The following PATJ variants were observed in gnomAD, a reference collection of about 807,000 sequenced individuals.
The protein encoded by PATJ is inaD-like protein.
A neutral mutation model predicts 224.9 loss-of-function variants in PATJ; 190 were observed. The observed-to-expected ratio is 0.84, with a 90% CI of 0.75 to 0.95. PATJ has a LOEUF of 0.95. Ranked by LOEUF, PATJ falls within the 40% of genes least tolerant of loss-of-function variation. The pLI, the probability that PATJ is intolerant of heterozygous loss-of-function variation, is 0.00. For missense variants in PATJ, 2,121 were observed against 2,270.3 expected (o/e 0.93, Z 1.34); for synonymous variants, 769 against 820.3 (o/e 0.94, Z 1.07).
At chr1:61,802,315 ACT>A in intron 12 of PATJ, among the ~76,000 whole-genome samples, 1 of 152,130 alleles carries the variant, frequency 6.6e-6, no homozygotes, top group East Asian at 1.9e-4. Flanking sequence ...CTGGTCTCAA[ACT>A]CCTGGCTTCA....
Position 61,899,317 on chromosome 1 carries a change from C to T in PATJ, c.3132-266C>T, listed in dbSNP as rs72676243. 9.7e-3 allele frequency among the ~76,000 whole-genome samples: 1,470 copies of T among 152,100 alleles called. 11 individuals are homozygous for T. The highest frequency in any genetic ancestry group is 0.016 in the Non-Finnish European group (1,071 of 67,992). The stretch of plus-strand genomic sequence containing the variant: ...CAAATTTGAAATTGCACAAATCAAA[C>T]GCAAACTTTTAGTGTCTAGAATATC... On this transcript the variant is annotated intron_variant, in intron 22 of 43. Transcript: ENST00000642238.
At chr1:62,016,270 A>T (rs550837117) in intron 28 of PATJ, among the ~76,000 whole-genome samples, 2 of 152,324 alleles carry the variant, frequency 1.3e-5, no homozygotes, top group African/African-American at 2.4e-5. Flanking sequence ...TTCATATTTT[A>T]AAGTGTTCAC....
At position 61,861,584 on chromosome 1, in the gene PATJ, C is replaced by A; in HGVS notation, c.2356C>A (p.His786Asn). 1.4e-6 allele frequency: 2 copies of A among 1,449,210 alleles called. No homozygotes were observed. Among genetic ancestry groups the A allele is most frequent in the Non-Finnish European group, 1.9e-6 (2 of 1,075,338 alleles). 89.8% of individuals were successfully genotyped at this position (1,449,210 alleles called of 1,614,324 possible). Residue 786 changes from histidine (H) to asparagine (N), a missense_variant, in exon 19 of 44, where the codon CAT (histidine) becomes AAT (asparagine). By Grantham distance (68) the His-to-Asn change is moderately conservative. Coordinates refer to ENST00000642238, the MANE Select transcript of PATJ (RefSeq NM_001350145.3). ...TGAAGAAGAAAGTTGTTATATTTTA[C>A]ATTCAAGCAGTAATGAAGACAAGAC... is the stretch of plus-strand genomic sequence containing the variant. Reference protein sequence around the residue: ...DNEEESCYILHSSSNEDKTEF... With the variant: ...DNEEESCYILNSSSNEDKTEF...
At chr1:62,126,527 G>A (rs1477445566) in intron 39 of PATJ, among the ~76,000 whole-genome samples, 3 of 152,174 alleles carry the variant, frequency 2.0e-5, no homozygotes, top group Admixed American at 2.0e-4. Flanking sequence ...TTCTTTTAGT[G>A]ATTTTAAAAA....
rs1414072746 is a variant in PATJ at position 62,086,862 on chromosome 1, C to T, written c.4377+2214C>T. On this transcript the variant is annotated intron_variant, in intron 33 of 43. Coordinates refer to ENST00000642238, the MANE Select transcript of PATJ (RefSeq NM_001350145.3). This position sits in a 1 kb window ranked among gnomAD's most constrained non-coding sequence, Gnocchi z 4.0. ...GGACCCAGCTGGCTGCTTTGGGTGC[C>T]GGCAGGAGCAGGCTCTGTGGGGTCC... Among the ~76,000 whole-genome samples the T allele has an allele frequency of 1.3e-5, 2 of 152,034 alleles. No homozygotes were observed. The highest frequency in any genetic ancestry group is 6.6e-5 in the Admixed American group (1 of 15,248).
intron 29 of PATJ, among the ~76,000 whole-genome samples, chr1:62,019,715 T>G (rs1646970446): frequency 6.6e-6 from 1 of 151,992 alleles, no homozygotes; most frequent in Non-Finnish European, 1.5e-5. Flanking sequence ...TTTGGTTTTC[T>G]TGTCCTTTCT....
At chr1:61,771,966 C>T (rs988505720) in intron 6 of PATJ, among the ~76,000 whole-genome samples, 1 of 152,136 alleles carries the variant, frequency 6.6e-6, no homozygotes, top group East Asian at 1.9e-4. Flanking sequence ...AGGTGATCCA[C>T]CTGCCTTGGC....
intron 1 of PATJ, among the ~76,000 whole-genome samples, chr1:61,755,355 AT>A (rs912759651): frequency 7.9e-5 from 12 of 151,792 alleles, no homozygotes; most frequent in African/African-American, 2.9e-4. Context: ...AAACTTTACC[AT>A]TTTTACCTTA....
At chr1:62,056,673 T>C (rs1028326047) in intron 31 of PATJ, among the ~76,000 whole-genome samples, 4 of 152,174 alleles carry the variant, frequency 2.6e-5, no homozygotes, top group African/African-American at 9.6e-5. Context: ...CCCAGCTACT[T>C]GGGAGGCTGA....
chr1:62,089,682 T>C lies in PATJ; in HGVS notation c.4377+5034T>C, dbSNP rs78897155. On this transcript the variant is annotated intron_variant, in intron 33 of 43. Coordinates refer to ENST00000642238, the MANE Select transcript of PATJ (RefSeq NM_001350145.3). ...AATCTTTCATTTTTCTTTTTTTTTT[T>C]CCCCTTCCAAATTTTGACATGGAAT... Among the ~76,000 whole-genome samples, 747 of 152,200 alleles carry C rather than the reference T, an allele frequency of 4.9e-3. 1 individual carries two copies. The highest frequency in any genetic ancestry group is 4.5e-3 in the Non-Finnish European group (306 of 68,010).
rs28717073 is a variant in PATJ at position 61,869,170 on chromosome 1, C to A, written c.2835+4537C>A. ...CGCCCAGGCTGGAGTGCAGTGGCGC[C>A]ATCTCGGCTCACTGCAAGCTCCGCC... On this transcript the variant is annotated intron_variant, in intron 20 of 43. Coordinates refer to ENST00000642238, the MANE Select transcript of PATJ (RefSeq NM_001350145.3). Among the ~76,000 whole-genome samples, 36 of 133,370 alleles carry A rather than the reference C, an allele frequency of 2.7e-4. No individual in the cohort carries two copies. The East Asian group carries it at 3.6e-3, about 13-fold the overall frequency. 87.5% of individuals were successfully genotyped at this position (133,370 alleles called of 152,430 possible). A position where few individuals can be genotyped will look rare whatever the true frequency, so the allele number is the denominator to read the frequency against.
At chr1:61,963,884 T>C (rs1243575035) in intron 27 of PATJ, among the ~76,000 whole-genome samples, 1 of 152,182 alleles carries the variant, frequency 6.6e-6, no homozygotes, top group Non-Finnish European at 1.5e-5. Context: ...TTGCTTATAC[T>C]TACCTATCCA....
At chr1:61,921,499 G>C (rs557099247) in intron 26 of PATJ, among the ~76,000 whole-genome samples, 20 of 152,210 alleles carry the variant, frequency 1.3e-4, no homozygotes, top group African/African-American at 4.8e-4. Flanking sequence ...TTGCAGAGGT[G>C]TTTCTTTTTC....
At chr1:61,754,465 C>T (rs1645507899) in intron 1 of PATJ, among the ~76,000 whole-genome samples, 1 of 151,674 alleles carries the variant, frequency 6.6e-6, no homozygotes, top group South Asian at 2.1e-4. Context: ...CCACCTCAGC[C>T]TCCCAAGCAA....
At chr1:61,877,701 T>G (rs1667524020) in intron 21 of PATJ, among the ~76,000 whole-genome samples, 1 of 152,222 alleles carries the variant, frequency 6.6e-6, no homozygotes, top group Non-Finnish European at 1.5e-5. Flanking sequence ...ATGCCTCTCG[T>G]ACAGCCTGTG....
At chr1:62,017,663 C>T (rs181363175) in intron 28 of PATJ, among the ~76,000 whole-genome samples, 193 bp from the exon 29 acceptor site, 10 of 144,304 alleles carry the variant, frequency 6.9e-5, no homozygotes, top group East Asian at 4.3e-4. Context: ...ACCGAGAAGG[C>T]GGAGGTTGCA....
At chr1:62,149,889 G>A (rs1668451131) in intron 42 of PATJ, among the ~76,000 whole-genome samples, 1 of 151,666 alleles carries the variant, frequency 6.6e-6, no homozygotes, top group Non-Finnish European at 1.5e-5. Context: ...GAGATCAATA[G>A]AGGCAAATTC....
At position 61,944,908 on chromosome 1, in the gene PATJ, T is replaced by G. The variant is rs1678423605; in HGVS notation, c.3670+17079T>G. Among the ~76,000 whole-genome samples, 4 of 152,150 alleles carry G rather than the reference T, an allele frequency of 2.6e-5. No homozygotes were observed. In the South Asian group the frequency reaches 8.3e-4, roughly 32 times the overall value. On this transcript the variant is annotated intron_variant, in intron 27 of 43. Transcript: ENST00000642238. ...AGAGACTCTACAAGCCAGAAGAGAGTGGGTGCCAATATTCAACATTCTTAA... is the reference window on the plus strand; with the variant it reads ...AGAGACTCTACAAGCCAGAAGAGAGGGGGTGCCAATATTCAACATTCTTAA...
chr1:62,117,507 A>C, intron 37 of PATJ: 1 of 239,154 alleles, frequency 4.2e-6, no homozygotes, highest in African/African-American at 2.8e-5. Flanking sequence ...GTGTTTATTT[A>C]AAAAAAAAAA....
Sources: gnomAD v4.1 joint callset for allele counts (sites outside exome capture counted in the v4.1 genomes callset) on GRCh38, gnomAD v4.1.1 for gene constraint, Gnocchi (gnomAD v3.1) non-coding constraint, MANE v1.5 for transcripts, NCBI Gene and HGNC (gene_info 2026-07-23, HGNC 2026-07-21) for gene names.